Variants in ACACA observed in about 807,000 individuals in gnomAD.
ACACA encodes acetyl-CoA carboxylase 1.
A neutral mutation model predicts 296.1 loss-of-function variants in ACACA; 103 were observed. The ratio of observed to expected loss-of-function variants is 0.35; its 90% CI spans 0.30 to 0.41. ACACA has a LOEUF of 0.41. Ranked by LOEUF, ACACA falls within the 10% of genes least tolerant of loss-of-function variation. ACACA has a pLI of 1.00. For synonymous variants in ACACA, 953 were observed against 1,038.6 expected (o/e 0.92, Z 1.58); for missense variants, 1,554 against 2,989.7 (o/e 0.52, Z 11.20).
chr17:37,198,227 A>C (rs1046615916), intron 35 of ACACA, among the ~76,000 whole-genome samples: 1 of 152,222 alleles, frequency 6.6e-6, no homozygotes, highest in African/African-American at 2.4e-5. Context: ...GGTTTGCTAA[A>C]AATTTTAGTG....
chr17:37,216,579 C>CA (rs2079009533), intron 29 of ACACA, among the ~76,000 whole-genome samples: 3 of 151,004 alleles, frequency 2.0e-5, no homozygotes, highest in African/African-American at 7.3e-5. Flanking sequence ...CGAATTATAC[C>CA]AAAAAACAGA....
intron 3 of ACACA, among the ~76,000 whole-genome samples, chr17:37,292,800 G>A (rs548766553): frequency 6.6e-6 from 1 of 152,334 alleles, no homozygotes; most frequent in Non-Finnish European, 1.5e-5. Context: ...GGAGGCAGAG[G>A]TTGCAGTGAG....
chr17:37,258,589 T>C (rs2081317200), intron 12 of ACACA, among the ~76,000 whole-genome samples: 1 of 152,162 alleles, frequency 6.6e-6, no homozygotes, highest in South Asian at 2.1e-4. Context: ...TCTAAAGAAG[T>C]CCCCACATTC....
chr17:37,313,241 T>C (rs979191715), intron 3 of ACACA, among the ~76,000 whole-genome samples: 13 of 151,936 alleles, frequency 8.6e-5, no homozygotes, highest in Admixed American at 4.6e-4. Context: ...CAAACCACCA[T>C]TGCATACATT....
At chr17:37,227,594 C>T (rs1341382417) in intron 25 of ACACA, among the ~76,000 whole-genome samples, 1 of 152,202 alleles carries the variant, frequency 6.6e-6, no homozygotes, top group Non-Finnish European at 1.5e-5. Context: ...TTAGGCCGGG[C>T]GCTGTGGCTC....
At position 37,375,847 on chromosome 17, in the gene ACACA, C is replaced by A. The variant is rs187991505; in HGVS notation, c.38+30415G>T. 3.2e-3 allele frequency: 1,474 copies of A among 465,098 alleles called. 3 individuals carry two copies. Among genetic ancestry groups the A allele is most frequent in the Non-Finnish European group, 4.0e-3 (1,044 of 263,348 alleles). 28.8% of individuals were successfully genotyped at this position (465,098 alleles called of 1,614,324 possible). A position where few individuals can be genotyped will look rare whatever the true frequency, so the allele number is the denominator to read the frequency against. On this transcript the variant is annotated intron_variant, in intron 1 of 55. Coordinates refer to ENST00000616317, the MANE Select transcript of ACACA (RefSeq NM_198834.3). ...CTCTAGGTAATCTAGTTCTCTATGT[C>A]GGCACCGGCAGCGAAGTCAGAAGAA...
chr17:37,399,648 T>C (rs2147845064), intron 1 of ACACA, among the ~76,000 whole-genome samples: 1 of 152,262 alleles, frequency 6.6e-6, no homozygotes, highest in Admixed American at 6.5e-5. Flanking sequence ...ATGAGACAGA[T>C]ATTCCGCACT....
At chr17:37,186,155 G>A (rs2077522741) in intron 39 of ACACA, among the ~76,000 whole-genome samples, 1 of 148,212 alleles carries the variant, frequency 6.7e-6, no homozygotes, top group Non-Finnish European at 1.5e-5. Flanking sequence ...AATGAACGCA[G>A]TAACTAAAAA....
chr17:37,328,561 G>C, intron 3 of ACACA: 1 of 230,728 alleles, frequency 4.3e-6, no homozygotes, highest in African/African-American at 2.2e-5. Flanking sequence ...AGCTAAATGA[G>C]GGTGACCACT....
At chr17:37,325,901 A>G (rs971850079) in intron 3 of ACACA, among the ~76,000 whole-genome samples, 1 of 151,384 alleles carries the variant, frequency 6.6e-6, no homozygotes, top group Non-Finnish European at 1.5e-5. Context: ...TGTTTGGGTC[A>G]TAAAGCTTAG....
At chr17:37,288,201 C>T (rs929430319) in intron 3 of ACACA, among the ~76,000 whole-genome samples, 6 of 152,098 alleles carry the variant, frequency 3.9e-5, no homozygotes, top group African/African-American at 1.4e-4. Context: ...TTAATCACTT[C>T]ATTTTTCTTT....
intron 41 of ACACA, among the ~76,000 whole-genome samples, chr17:37,178,596 C>T (rs1026505486): frequency 6.6e-6 from 1 of 152,068 alleles, no homozygotes; most frequent in East Asian, 1.9e-4. Flanking sequence ...ATTGCTTGAG[C>T]TCAGGAGCTT....
At chr17:37,256,579 A>G (rs938784434) in intron 14 of ACACA, among the ~76,000 whole-genome samples, 1 of 152,162 alleles carries the variant, frequency 6.6e-6, no homozygotes, top group African/African-American at 2.4e-5. Context: ...CAAAAAATTT[A>G]AAATTTGCTG....
intron 52 of ACACA, among the ~76,000 whole-genome samples, chr17:37,105,630 C>A (rs999988217): frequency 8.6e-5 from 13 of 151,946 alleles, no homozygotes; most frequent in African/African-American, 3.1e-4. Context: ...TTTAGGAGGC[C>A]GAGGCGGGCG....
chr17:37,298,102 C>A (rs2083443949), intron 3 of ACACA, among the ~76,000 whole-genome samples: 1 of 152,118 alleles, frequency 6.6e-6, no homozygotes, highest in East Asian at 1.9e-4. Flanking sequence ...GTACTACAGG[C>A]TCATGCCACT....
intron 1 of ACACA, among the ~76,000 whole-genome samples, chr17:37,340,051 A>C (rs2048313928): frequency 6.6e-6 from 1 of 152,204 alleles, no homozygotes; most frequent in Admixed American, 6.5e-5. Context: ...TTACATAAAG[A>C]CTATTGTTTA....
intron 1 of ACACA, 126 bp downstream of exon 1, chr17:37,406,136 A>G (rs2051495516): frequency 9.2e-7 from 1 of 1,088,922 alleles, no homozygotes; most frequent in Non-Finnish European, 1.4e-6. Flanking sequence ...TGCCTACCTC[A>G]CAAGTTTTAA....
At chr17:37,232,804 G>C (rs997639558) in intron 25 of ACACA, among the ~76,000 whole-genome samples, 1 of 151,402 alleles carries the variant, frequency 6.6e-6, no homozygotes, top group Non-Finnish European at 1.5e-5. Context: ...AAAATGTAAT[G>C]ACACCAAAAT....
intron 5 of ACACA, among the ~76,000 whole-genome samples, chr17:37,280,104 C>T (rs2082444381): frequency 6.6e-6 from 1 of 151,958 alleles, no homozygotes; most frequent in African/African-American, 2.4e-5. Context: ...AACATGGGTA[C>T]CAAATACTCT....
Sources: allele counts gnomAD v4.1 joint callset (sites outside exome capture counted in the v4.1 genomes callset), GRCh38; gene constraint gnomAD v4.1.1; transcripts MANE v1.5; gene names NCBI Gene and HGNC (gene_info 2026-07-23, HGNC 2026-07-21).